STXBP5: variants seen among roughly 807,000 people sequenced by gnomAD.
STXBP5 encodes syntaxin binding protein 5.
In STXBP5, 50 loss-of-function variants were observed where a neutral mutation model predicts 152.4. The observed-to-expected ratio is 0.33, with a 90% CI of 0.26 to 0.42. The LOEUF (loss-of-function observed/expected upper bound fraction) is 0.42. STXBP5 is among the 10% of genes least tolerant of loss of function. The pLI is 1.00. For synonymous variants in STXBP5, 492 were observed against 494.7 expected (o/e 0.99, Z 0.07); for missense variants, 1,167 against 1,388.6 (o/e 0.84, Z 2.54).
intron 26 of STXBP5, among the ~76,000 whole-genome samples, chr6:147,379,453 A>G (rs1389375840): frequency 6.6e-6 from 1 of 152,188 alleles, no homozygotes; most frequent in Non-Finnish European, 1.5e-5. Flanking sequence ...ATCCATGAAC[A>G]TGGTATAGAA....
intron 21 of STXBP5, among the ~76,000 whole-genome samples, chr6:147,347,960 A>G (rs1407783882): frequency 6.6e-6 from 1 of 152,214 alleles, no homozygotes; most frequent in African/African-American, 2.4e-5. Flanking sequence ...ATGTTGGGTG[A>G]TTGTTTTTAA....
Position 147,327,154 on chromosome 6 carries a change from C to G in STXBP5, c.1958C>G (p.Ala653Gly), listed in dbSNP as rs767372724. ...GTTTTTGGCAATTGCAATGGCATTG[C>G]TATGGTTGACTACCTCCAGAAAGCA... Reference protein sequence around the residue: ...LVVFGNCNGIAMVDYLQKAVL... With the variant: ...LVVFGNCNGIGMVDYLQKAVL... The change falls in exon 18 of 28, where the codon GCT (alanine) becomes GGT (glycine). Residue 653 changes from alanine to glycine, a missense_variant. Around this residue, in one of 3 missense-constraint regions of STXBP5, gnomAD observed 833 missense variants for 986.3 expected, o/e 0.84. Coordinates refer to ENST00000321680, the MANE Select transcript of STXBP5 (RefSeq NM_001127715.4). 6.2e-7 allele frequency: 1 copy of G among 1,613,210 alleles called. No homozygotes were observed. Among genetic ancestry groups the G allele is most frequent in the Non-Finnish European group, 8.5e-7 (1 of 1,179,776 alleles).
chr6:147,240,673 G>C (rs1472700645), intron 4 of STXBP5, among the ~76,000 whole-genome samples: 2 of 152,170 alleles, frequency 1.3e-5, no homozygotes, highest in Non-Finnish European at 2.9e-5. Flanking sequence ...TATAACAACT[G>C]TAATAACAGT....
At chr6:147,374,482 C>T (rs1024685410) in intron 26 of STXBP5, among the ~76,000 whole-genome samples, 24 of 151,954 alleles carry the variant, frequency 1.6e-4, no homozygotes, top group African/African-American at 5.8e-4. Context: ...TTTAAACTTA[C>T]CCAAATGATT....
intron 27 of STXBP5, among the ~76,000 whole-genome samples, chr6:147,384,113 C>G (rs1029239087): frequency 2.0e-5 from 3 of 152,118 alleles, no homozygotes; most frequent in Non-Finnish European, 4.4e-5. Flanking sequence ...GTTCTTGAGC[C>G]ATATTTCAGA....
intron 2 of STXBP5, among the ~76,000 whole-genome samples, chr6:147,210,987 G>A (rs2115030773): frequency 6.6e-6 from 1 of 152,244 alleles, no homozygotes; most frequent in East Asian, 1.9e-4. Context: ...ATACTGAAAA[G>A]CACTGTTCTT....
chr6:147,321,537 A>G (rs1782936284), intron 16 of STXBP5, among the ~76,000 whole-genome samples: 1 of 152,152 alleles, frequency 6.6e-6, no homozygotes, highest in South Asian at 2.1e-4. Flanking sequence ...TCATAGCTGC[A>G]CTCCAGCCAG....
At chr6:147,231,959 A>G (rs1461094282) in intron 2 of STXBP5, among the ~76,000 whole-genome samples, 2 of 151,894 alleles carry the variant, frequency 1.3e-5, no homozygotes, top group Non-Finnish European at 2.9e-5. Flanking sequence ...TTATAATGGT[A>G]TGTCCACTGT....
intron 24 of STXBP5, 144 bp downstream of exon 24, chr6:147,363,848 G>A: frequency 7.2e-7 from 1 of 1,383,748 alleles, no homozygotes; most frequent in South Asian, 1.4e-5. Context: ...TAGTGAACAA[G>A]TATATGAGGA....
At chr6:147,228,609 A>G (rs745428481) in intron 2 of STXBP5, among the ~76,000 whole-genome samples, 1 of 151,872 alleles carries the variant, frequency 6.6e-6, no homozygotes, top group Non-Finnish European at 1.5e-5. Context: ...TGGATGTTAC[A>G]TGTTCTAAAA....
intron 4 of STXBP5, among the ~76,000 whole-genome samples, chr6:147,250,479 TA>T (rs1779029128): frequency 6.6e-6 from 1 of 152,194 alleles, no homozygotes; most frequent in South Asian, 2.1e-4. Flanking sequence ...AGAAATGATT[TA>T]AAGTATATGG....
In STXBP5 at chr6:147,215,550, T is replaced by G. The variant is rs376215237; in HGVS notation, c.248+9482T>G. 5.5e-4 allele frequency among the ~76,000 whole-genome samples: 84 copies of G among 152,146 alleles called. 1 individual carries two copies. In the South Asian group the frequency reaches 0.016, roughly 30 times the overall value. ...TGCACGCCACCACGCCTGGCTAATT[T>G]TTGTATTTTTTTGTAGAGCCTGGGT... On this transcript the variant is annotated intron_variant, in intron 2 of 27. Transcript: ENST00000321680.
At chr6:147,348,029 AAC>A (rs1335268371) in intron 21 of STXBP5, among the ~76,000 whole-genome samples, 1 of 152,232 alleles carries the variant, frequency 6.6e-6, no homozygotes, top group Non-Finnish European at 1.5e-5. Context: ...TTTTTACAAA[AAC>A]AGTTTAAAAT....
At chr6:147,290,428 A>G (rs1355909104) in intron 8 of STXBP5, among the ~76,000 whole-genome samples, 2 of 152,182 alleles carry the variant, frequency 1.3e-5, no homozygotes, top group Non-Finnish European at 2.9e-5. Context: ...GAAGTATTAT[A>G]ATGTGGACAG....
chr6:147,285,305 G>C (rs1364775843), intron 8 of STXBP5, among the ~76,000 whole-genome samples: 1 of 152,114 alleles, frequency 6.6e-6, no homozygotes, highest in East Asian at 1.9e-4. Flanking sequence ...TCCCCTAAAT[G>C]TCTTTCCATT....
At chr6:147,373,363 C>CAAAAAAAAAAAAAAAAAAAAAAA (rs11341887) in intron 25 of STXBP5, among the ~76,000 whole-genome samples, 1 of 67,718 alleles carries the variant, frequency 1.5e-5, no homozygotes, top group South Asian at 6.9e-4. Flanking sequence ...GAGACTGTCT[C>CAAAAAAAAAAAAAAAAAAAAAAA]AAAAAAAAAA....
chr6:147,315,853 A>C, intron 15 of STXBP5, 118 bp downstream of exon 15: 1 of 802,436 alleles, frequency 1.2e-6, no homozygotes, highest in South Asian at 1.8e-5. Context: ...AAAACACCTT[A>C]GTATTTATAT....
chr6:147,351,848 A>C (rs994324499), intron 21 of STXBP5: 12 of 985,378 alleles, frequency 1.2e-5, no homozygotes, highest in Non-Finnish European at 1.4e-5. Context: ...GAAGTCATGT[A>C]TGACTGGATT....
At chr6:147,364,533 G>A (rs1291499609) in intron 25 of STXBP5, among the ~76,000 whole-genome samples, 3 of 151,936 alleles carry the variant, frequency 2.0e-5, no homozygotes, top group Admixed American at 6.6e-5. Flanking sequence ...GTCTATTTTC[G>A]GGCAAATTTT....
Sources: allele counts gnomAD v4.1 joint callset (sites outside exome capture counted in the v4.1 genomes callset), GRCh38; gene constraint gnomAD v4.1.1; regional missense constraint gnomAD v4.1.1; transcripts MANE v1.5; gene names NCBI Gene and HGNC (gene_info 2026-07-23, HGNC 2026-07-21).